The following CCSER1 variants were observed in gnomAD, a reference collection of about 807,000 sequenced individuals.
The protein encoded by CCSER1 is serine-rich coiled-coil domain-containing protein 1.
A neutral mutation model predicts 82.0 loss-of-function variants in CCSER1; 41 were observed. That is an observed-to-expected ratio of 0.50 (90% CI 0.39 to 0.65). The LOEUF is 0.65. Ranked by LOEUF, CCSER1 falls within the 30% of genes least tolerant of loss-of-function variation. CCSER1 has a pLI of 0.00. For missense variants in CCSER1, 1,119 were observed against 1,064.2 expected, an observed-to-expected ratio of 1.05 and a Z score of -0.72; for synonymous variants, 414 against 383.9, an observed-to-expected ratio of 1.08 and a Z score of -0.92.
intron 10 of CCSER1, among the ~76,000 whole-genome samples, chr4:91,357,285 T>A (rs1008373099): frequency 6.6e-6 from 1 of 152,234 alleles, no homozygotes; most frequent in African/African-American, 2.4e-5. Context: ...TAAACTTAAT[T>A]TTAATAAAGC....
intron 5 of CCSER1, among the ~76,000 whole-genome samples, chr4:90,565,961 A>G (rs1259311150): frequency 6.6e-6 from 1 of 151,406 alleles, no homozygotes; most frequent in South Asian, 2.1e-4. Flanking sequence ...CCCGGGTTCA[A>G]GTGATTCTCC....
At chr4:91,461,727 T>G (rs1756512302) in intron 10 of CCSER1, among the ~76,000 whole-genome samples, 1 of 152,218 alleles carries the variant, frequency 6.6e-6, no homozygotes, top group Admixed American at 6.5e-5. Context: ...AGATTTTAGT[T>G]TGTTTATTCC....
chr4:91,184,855 C>T (rs1282219246), intron 10 of CCSER1, among the ~76,000 whole-genome samples: 2 of 152,054 alleles, frequency 1.3e-5, no homozygotes, highest in East Asian at 3.9e-4. Context: ...TATAATTGTT[C>T]TGGGATTAGA....
chr4:91,353,705 T>G (rs1042481388), intron 10 of CCSER1, among the ~76,000 whole-genome samples: 3 of 152,218 alleles, frequency 2.0e-5, no homozygotes, highest in Non-Finnish European at 4.4e-5. Context: ...TATAGTATGC[T>G]TGTGCTGAAG....
At chr4:91,183,869 A>G (rs1009617936) in intron 10 of CCSER1, among the ~76,000 whole-genome samples, 15 of 152,336 alleles carry the variant, frequency 9.8e-5, no homozygotes, top group African/African-American at 3.4e-4. Context: ...CTCTAAGGAT[A>G]GAAAGCAGAT....
chr4:90,840,055 A>G (rs1762385249), intron 8 of CCSER1, among the ~76,000 whole-genome samples: 1 of 151,988 alleles, frequency 6.6e-6, no homozygotes, highest in Non-Finnish European at 1.5e-5. Context: ...AATCCATATA[A>G]CATAGCATTT....
chr4:90,844,819 A>G (rs1216104665), intron 8 of CCSER1, among the ~76,000 whole-genome samples: 1 of 152,162 alleles, frequency 6.6e-6, no homozygotes, highest in Admixed American at 6.5e-5. Context: ...TGCATTGCTC[A>G]ACAACATATT....
At chr4:90,286,962 A>C (rs1333715143) in intron 1 of CCSER1, among the ~76,000 whole-genome samples, 2 of 151,984 alleles carry the variant, frequency 1.3e-5, no homozygotes, top group African/African-American at 2.4e-5. Flanking sequence ...ATTTTGAAGA[A>C]AAATAATGTA....
At chr4:90,407,707 G>C (rs1372920101) in intron 4 of CCSER1, among the ~76,000 whole-genome samples, 7 of 152,174 alleles carry the variant, frequency 4.6e-5, no homozygotes, top group African/African-American at 1.4e-4. Context: ...CCCAGCGTGA[G>C]CGACGCAGAA....
intron 1 of CCSER1, among the ~76,000 whole-genome samples, chr4:90,156,266 A>G (rs377624792): frequency 6.6e-6 from 1 of 152,024 alleles, no homozygotes; most frequent in Non-Finnish European, 1.5e-5. Flanking sequence ...GTTCTTTTAC[A>G]TTTGCTGAGG....
At chr4:90,184,494 A>T (rs1460034130) in intron 1 of CCSER1, among the ~76,000 whole-genome samples, 1 of 152,114 alleles carries the variant, frequency 6.6e-6, no homozygotes, top group East Asian at 1.9e-4. Context: ...CTGATAGTAG[A>T]ACCTCAGACA....
intron 10 of CCSER1, among the ~76,000 whole-genome samples, chr4:91,380,984 T>G (rs959169935): frequency 3.3e-5 from 5 of 152,142 alleles, no homozygotes; most frequent in African/African-American, 4.8e-5. Context: ...TATAAAGGAT[T>G]TTATTTCTCC....
At chr4:90,550,795 G>A (rs767957773) in intron 5 of CCSER1, among the ~76,000 whole-genome samples, 7 of 152,034 alleles carry the variant, frequency 4.6e-5, no homozygotes, top group Non-Finnish European at 7.4e-5. Flanking sequence ...TAATGCTGGG[G>A]GTGGGTGGAA....
chr4:90,896,223 A>G (rs1723691632), intron 8 of CCSER1, among the ~76,000 whole-genome samples: 1 of 151,984 alleles, frequency 6.6e-6, no homozygotes, highest in Non-Finnish European at 1.5e-5. Context: ...CGAAGAAAAA[A>G]TTAGAAGATG....
At chr4:91,488,442 A>C (rs1758339292) in intron 10 of CCSER1, among the ~76,000 whole-genome samples, 1 of 152,134 alleles carries the variant, frequency 6.6e-6, no homozygotes, top group Non-Finnish European at 1.5e-5. Context: ...AGAGATTGAT[A>C]TGGTTTGGAT....
intron 10 of CCSER1, among the ~76,000 whole-genome samples, chr4:91,392,498 G>T (rs1045662013): frequency 6.6e-6 from 1 of 151,844 alleles, no homozygotes; most frequent in Non-Finnish European, 1.5e-5. Flanking sequence ...ATTTCATAAA[G>T]ATTGCATAAT....
At chr4:90,974,062 G>A (rs778640051) in intron 9 of CCSER1, among the ~76,000 whole-genome samples, 3 of 151,448 alleles carry the variant, frequency 2.0e-5, no homozygotes, top group African/African-American at 2.4e-5. Flanking sequence ...GCTGGGATAC[G>A]TAGGAAATGA....
At chr4:91,474,900 G>T (rs1757502105) in intron 10 of CCSER1, among the ~76,000 whole-genome samples, 1 of 150,654 alleles carries the variant, frequency 6.6e-6, no homozygotes, top group South Asian at 2.1e-4. Flanking sequence ...GTGTAAAACT[G>T]CACCTTCAGT....
intron 10 of CCSER1, among the ~76,000 whole-genome samples, chr4:91,537,087 T>A (rs1479965896): frequency 2.6e-5 from 4 of 152,138 alleles, no homozygotes; most frequent in Non-Finnish European, 5.9e-5. Flanking sequence ...TAAAAATGGT[T>A]AATAGTCATT....
Sources: allele counts gnomAD v4.1 joint callset (sites outside exome capture counted in the v4.1 genomes callset), GRCh38; gene constraint gnomAD v4.1.1; transcripts MANE v1.5; gene names NCBI Gene and HGNC (gene_info 2026-07-23, HGNC 2026-07-21).